Variants in PRKCA observed in about 807,000 individuals in gnomAD.
PRKCA encodes the protein protein kinase C alpha type.
PRKCA carries 27 observed loss-of-function variants against 87.0 expected under a neutral mutation model. That is an observed-to-expected ratio of 0.31 (90% CI 0.23 to 0.43). The LOEUF (loss-of-function observed/expected upper bound fraction) is 0.43, where lower values mean the gene tolerates loss of function less well. Among genes scored for constraint, PRKCA ranks in the 20% least tolerant of loss-of-function variants. PRKCA has a pLI of 1.00. For synonymous variants in PRKCA, 329 were observed against 311.1 expected (o/e 1.06, Z -0.61); for missense variants, 518 against 852.3 (o/e 0.61, Z 4.88).
intron 3 of PRKCA, among the ~76,000 whole-genome samples, chr17:66,548,953 G>A (rs1968240543): frequency 6.6e-6 from 1 of 151,894 alleles, no homozygotes. Context: ...GACCACAAGT[G>A]CACTACCACA....
chr17:66,774,357 A>T, intron 14 of PRKCA: 6 of 1,216,398 alleles, frequency 4.9e-6, no homozygotes, highest in Non-Finnish European at 6.2e-6. Flanking sequence ...GCGGTGGCTC[A>T]TGGCTATAAT....
At chr17:66,697,370 T>C (rs972911726) in intron 8 of PRKCA, among the ~76,000 whole-genome samples, 5 of 152,170 alleles carry the variant, frequency 3.3e-5, no homozygotes, top group African/African-American at 1.2e-4. Flanking sequence ...AGTGTCTTTG[T>C]AGGAGTCTAG....
intron 2 of PRKCA, among the ~76,000 whole-genome samples, chr17:66,480,135 A>T (rs1814558326): frequency 6.6e-6 from 1 of 151,994 alleles, no homozygotes; most frequent in African/African-American, 2.4e-5. Context: ...ATTTTTCTTT[A>T]GTTTTTAAAA....
rs77424968 is a variant in PRKCA at position 66,740,390 on chromosome 17, C to T, written c.1323-1269C>T. Among the ~76,000 whole-genome samples, 305 of 152,210 alleles carry T rather than the reference C, an allele frequency of 2.0e-3. 3 individuals carry two copies. The East Asian group carries it at 0.028, about 14-fold the overall frequency. On this transcript the variant is annotated intron_variant, in intron 11 of 16. Coordinates refer to ENST00000413366, the MANE Select transcript of PRKCA (RefSeq NM_002737.3). Reference sequence around the variant, plus strand: ...GCCTAAACAAAGGGCGAGTTTAGTTCCGCAGTGAGGAAACCTCGGGGGCAT... The same window carrying T: ...GCCTAAACAAAGGGCGAGTTTAGTTTCGCAGTGAGGAAACCTCGGGGGCAT...
intron 2 of PRKCA, among the ~76,000 whole-genome samples, chr17:66,484,475 G>T (rs968225645): frequency 3.9e-5 from 6 of 152,124 alleles, no homozygotes; most frequent in Non-Finnish European, 7.3e-5. Flanking sequence ...AATAATTTGG[G>T]GGATTGTTTT....
At chr17:66,753,575 G>A (rs1974483169) in intron 13 of PRKCA, among the ~76,000 whole-genome samples, 1 of 152,118 alleles carries the variant, frequency 6.6e-6, no homozygotes, top group Admixed American at 6.6e-5. Context: ...AGGTTCTTGG[G>A]AAATGTAAAG....
intron 11 of PRKCA, among the ~76,000 whole-genome samples, chr17:66,740,247 G>A (rs1243296746): frequency 6.6e-6 from 1 of 152,088 alleles, no homozygotes; most frequent in East Asian, 1.9e-4. Context: ...GAAGACGTGG[G>A]CTCCAGGTGA....
chr17:66,506,737 C>G (rs1409290160), intron 3 of PRKCA, among the ~76,000 whole-genome samples: 1 of 152,142 alleles, frequency 6.6e-6, no homozygotes, highest in Non-Finnish European at 1.5e-5. Context: ...AAAGTGTAGT[C>G]TTCACTATTT....
At chr17:66,331,885 G>T (rs2143286768) in intron 2 of PRKCA, among the ~76,000 whole-genome samples, 1 of 152,290 alleles carries the variant, frequency 6.6e-6, no homozygotes, top group East Asian at 1.9e-4. Flanking sequence ...GTTGGTAAAT[G>T]CATTGCTGTA....
At chr17:66,636,005 C>T (rs1449601958) in intron 3 of PRKCA, among the ~76,000 whole-genome samples, 4 of 152,104 alleles carry the variant, frequency 2.6e-5, no homozygotes, top group Non-Finnish European at 5.9e-5. Flanking sequence ...TTGTTTTCAA[C>T]TTTAATTTTA....
chr17:66,354,553 C>T (rs75222710), intron 2 of PRKCA, among the ~76,000 whole-genome samples: 1,922 of 152,152 alleles, frequency 0.013, 41 homozygotes, highest in African/African-American at 0.044. Context: ...TTTAAGTTGC[C>T]GTCTAAGGTC....
At chr17:66,591,150 C>A (rs1251006139) in intron 3 of PRKCA, among the ~76,000 whole-genome samples, 1 of 152,004 alleles carries the variant, frequency 6.6e-6, no homozygotes, top group Non-Finnish European at 1.5e-5. Flanking sequence ...TTGTTTACAA[C>A]TTTTTGTTGT....
chr17:66,496,624 C>T (rs61762380), intron 3 of PRKCA, among the ~76,000 whole-genome samples: 28 of 151,790 alleles, frequency 1.8e-4, no homozygotes, highest in Admixed American at 7.2e-4. Context: ...AGTTTATTTC[C>T]GTTCCCTCCC....
intron 2 of PRKCA, among the ~76,000 whole-genome samples, chr17:66,436,825 A>G (rs1913420098): frequency 6.6e-6 from 1 of 152,226 alleles, no homozygotes; most frequent in Non-Finnish European, 1.5e-5. Flanking sequence ...CTGTGTTGTC[A>G]TGGGAACCGA....
At chr17:66,391,421 A>G (rs891876866) in intron 2 of PRKCA, among the ~76,000 whole-genome samples, 2 of 152,114 alleles carry the variant, frequency 1.3e-5, no homozygotes, top group Non-Finnish European at 2.9e-5. Context: ...CAAATGCCTT[A>G]TGGCATCTCC....
intron 2 of PRKCA, among the ~76,000 whole-genome samples, chr17:66,394,825 T>C (rs2143654006): frequency 6.6e-6 from 1 of 152,292 alleles, no homozygotes; most frequent in East Asian, 1.9e-4. Flanking sequence ...GCTCTTCTCC[T>C]TCCTGCTGCC....
chr17:66,739,157 C>T (rs1206026282), intron 11 of PRKCA, among the ~76,000 whole-genome samples: 1 of 152,192 alleles, frequency 6.6e-6, no homozygotes, highest in Admixed American at 6.5e-5. Context: ...GCGGGGATTA[C>T]AGGCGTGAGT....
intron 2 of PRKCA, among the ~76,000 whole-genome samples, chr17:66,451,197 G>C (rs1481340493): frequency 6.6e-6 from 1 of 152,192 alleles, no homozygotes; most frequent in Non-Finnish European, 1.5e-5. Flanking sequence ...AAGTATCCAT[G>C]CTGGTCTAGT....
chr17:66,529,476 A>T (rs1202499610), intron 3 of PRKCA, among the ~76,000 whole-genome samples: 2 of 152,078 alleles, frequency 1.3e-5, no homozygotes, highest in Non-Finnish European at 2.9e-5. Flanking sequence ...AGGGCCATGG[A>T]GCTCACGGGC....
Sources: allele counts gnomAD v4.1 joint callset (sites outside exome capture counted in the v4.1 genomes callset), GRCh38; gene constraint gnomAD v4.1.1; transcripts MANE v1.5; gene names NCBI Gene and HGNC (gene_info 2026-07-23, HGNC 2026-07-21).